Variants in CSMD1 observed in about 807,000 individuals in gnomAD.
CSMD1 encodes CUB and sushi domain-containing protein 1.
A neutral mutation model predicts 417.5 loss-of-function variants in CSMD1; 213 were observed. The ratio of observed to expected loss-of-function variants is 0.51; its 90% CI spans 0.46 to 0.57. The LOEUF is 0.57. Among genes scored for constraint, CSMD1 ranks in the 20% least tolerant of loss-of-function variants. The pLI is 0.00. For synonymous variants in CSMD1, 2,862 were observed against 1,736.8 expected, an observed-to-expected ratio of 1.65 and a Z score of -16.11; for missense variants, 6,923 against 4,529.7, an observed-to-expected ratio of 1.53 and a Z score of -15.17.
intron 10 of CSMD1, among the ~76,000 whole-genome samples, chr8:3,527,934 G>A (rs1214248924): frequency 6.6e-6 from 1 of 152,196 alleles, no homozygotes; most frequent in East Asian, 1.9e-4. Flanking sequence ...GCAGTTCTGT[G>A]CAGGTCAGTT....
At chr8:3,842,165 A>G (rs752224087) in intron 5 of CSMD1, among the ~76,000 whole-genome samples, 1 of 152,172 alleles carries the variant, frequency 6.6e-6, no homozygotes, top group Non-Finnish European at 1.5e-5. Flanking sequence ...AGGTTTTCTT[A>G]AAAACTCGTT....
intron 21 of CSMD1, among the ~76,000 whole-genome samples, chr8:3,353,423 A>C (rs1338222471): frequency 1.3e-5 from 2 of 152,188 alleles, no homozygotes; most frequent in Non-Finnish European, 1.5e-5. Flanking sequence ...GCATATCACA[A>C]AATGTTTCCT....
intron 1 of CSMD1, among the ~76,000 whole-genome samples, chr8:4,946,886 C>G (rs1195043147): frequency 6.6e-6 from 1 of 151,448 alleles, no homozygotes; most frequent in African/African-American, 2.4e-5. Context: ...ATTTAATAAT[C>G]AGAAAATATA....
chr8:4,869,603 T>C (rs975933803), intron 1 of CSMD1, among the ~76,000 whole-genome samples: 2 of 152,062 alleles, frequency 1.3e-5, no homozygotes, highest in African/African-American at 4.8e-5. Context: ...TAGTTAATGA[T>C]CACATTCTTT....
At chr8:4,305,977 G>A (rs1020915568) in intron 3 of CSMD1, among the ~76,000 whole-genome samples, 7 of 152,132 alleles carry the variant, frequency 4.6e-5, no homozygotes, top group Admixed American at 4.6e-4. Context: ...TACATAGTGT[G>A]CCCAGACATT....
intron 3 of CSMD1, among the ~76,000 whole-genome samples, chr8:4,302,309 T>G (rs531324073): frequency 8.6e-4 from 131 of 152,284 alleles, no homozygotes; most frequent in African/African-American, 3.1e-3. Flanking sequence ...CCTTAACTCA[T>G]TAGCTAATAA....
chr8:4,083,756 A>G (rs1800270324), intron 3 of CSMD1, among the ~76,000 whole-genome samples: 1 of 152,214 alleles, frequency 6.6e-6, no homozygotes, highest in Non-Finnish European at 1.5e-5. Flanking sequence ...AAACCTAGGC[A>G]TTACCATTCA....
chr8:3,456,858 A>G (rs1444463602), intron 12 of CSMD1, among the ~76,000 whole-genome samples: 2 of 152,110 alleles, frequency 1.3e-5, no homozygotes, highest in South Asian at 4.1e-4. Flanking sequence ...ACCCGAGCCC[A>G]GGTCTCTTGG....
At chr8:3,022,624 G>A (rs1809536249) in intron 51 of CSMD1, among the ~76,000 whole-genome samples, 1 of 151,432 alleles carries the variant, frequency 6.6e-6, no homozygotes, top group Non-Finnish European at 1.5e-5. Flanking sequence ...TATTACTTGT[G>A]AGTGTGACAA....
At chr8:3,904,311 C>G (rs971271926) in intron 5 of CSMD1, among the ~76,000 whole-genome samples, 2 of 152,084 alleles carry the variant, frequency 1.3e-5, no homozygotes, top group Non-Finnish European at 1.5e-5. Flanking sequence ...TTCTTTCATC[C>G]CAACATCATC....
chr8:4,837,312 C>T (rs1255756361), intron 1 of CSMD1, among the ~76,000 whole-genome samples: 2 of 152,160 alleles, frequency 1.3e-5, no homozygotes, highest in African/African-American at 2.4e-5. Flanking sequence ...TTTGCTGCTG[C>T]ACTGTTTACA....
intron 5 of CSMD1, among the ~76,000 whole-genome samples, chr8:3,997,008 C>G (rs1389957566): frequency 6.6e-6 from 1 of 152,148 alleles, no homozygotes; most frequent in African/African-American, 2.4e-5. Context: ...TCCATATTCC[C>G]CTCTTCCTAC....
intron 5 of CSMD1, among the ~76,000 whole-genome samples, chr8:3,996,521 G>C (rs1815233972): frequency 6.6e-6 from 1 of 151,898 alleles, no homozygotes; most frequent in Non-Finnish European, 1.5e-5. Context: ...GGCAGAACCT[G>C]TGGTATAACT....
At chr8:3,509,289 T>C (rs912112680) in intron 10 of CSMD1, among the ~76,000 whole-genome samples, 4 of 152,196 alleles carry the variant, frequency 2.6e-5, no homozygotes, top group African/African-American at 9.7e-5. Context: ...CTAAAAAATA[T>C]ATTTAAGCCT....
At chr8:4,864,893 C>T (rs1259701266) in intron 1 of CSMD1, among the ~76,000 whole-genome samples, 1 of 149,784 alleles carries the variant, frequency 6.7e-6, no homozygotes, top group African/African-American at 2.5e-5. Context: ...CACACACACA[C>T]ACAAACACAC....
At chr8:4,076,175 C>T (rs2554687) in intron 3 of CSMD1, among the ~76,000 whole-genome samples, 3,446 of 152,214 alleles carry the variant, frequency 0.023, 126 homozygotes, top group African/African-American at 0.077. Flanking sequence ...GGTGTTCTCA[C>T]GACAGTGAGT....
At chr8:3,369,840 G>A (rs940179436) in intron 18 of CSMD1, among the ~76,000 whole-genome samples, 2 of 152,200 alleles carry the variant, frequency 1.3e-5, no homozygotes, top group Non-Finnish European at 2.9e-5. Context: ...TGCAGAATAT[G>A]GGAGCTTAAG....
intron 20 of CSMD1, among the ~76,000 whole-genome samples, chr8:3,365,400 A>G (rs1351590235): frequency 6.6e-6 from 1 of 152,210 alleles, no homozygotes; most frequent in Non-Finnish European, 1.5e-5. Context: ...TGAAGACACT[A>G]TTTGATTTTA....
At chr8:4,667,769 G>A (rs1291526960) in intron 1 of CSMD1, among the ~76,000 whole-genome samples, 1 of 152,092 alleles carries the variant, frequency 6.6e-6, no homozygotes, top group Middle Eastern at 3.2e-3. Context: ...ATATTGCTTA[G>A]AATTTTTCTA....
Sources: allele counts gnomAD v4.1 joint callset (sites outside exome capture counted in the v4.1 genomes callset), GRCh38; gene constraint gnomAD v4.1.1; transcripts MANE v1.5; gene names NCBI Gene and HGNC (gene_info 2026-07-23, HGNC 2026-07-21).